TUSC3: variants seen among roughly 807,000 people sequenced by gnomAD.
TUSC3 encodes the protein tumor suppressor candidate 3, also known as dolichyl-diphosphooligosaccharide--protein glycosyltransferase subunit TUSC3.
Under a neutral mutation model 44.8 loss-of-function variants are expected in TUSC3, and 45 were observed. The ratio of observed to expected loss-of-function variants is 1.00; its 90% CI spans 0.79 to 1.29. The LOEUF (loss-of-function observed/expected upper bound fraction) is 1.29. Ranked by LOEUF, TUSC3 falls within the 50% of genes most tolerant of loss-of-function variation. The pLI, the probability that TUSC3 is intolerant of heterozygous loss-of-function variation, is 0.00. For synonymous variants in TUSC3, 212 were observed against 152.9 expected (o/e 1.39, Z -2.85); for missense variants, 519 against 437.9 (o/e 1.19, Z -1.65).
At chr8:15,747,742 C>A (rs1811483242) in intron 8 of TUSC3, among the ~76,000 whole-genome samples, 1 of 152,040 alleles carries the variant, frequency 6.6e-6, no homozygotes, top group Non-Finnish European at 1.5e-5. Context: ...AACATATGTC[C>A]TCAGTTTCTT....
At chr8:15,678,157 G>C (rs112963337) in intron 6 of TUSC3, among the ~76,000 whole-genome samples, 1 of 152,136 alleles carries the variant, frequency 6.6e-6, no homozygotes, top group Non-Finnish European at 1.5e-5. Flanking sequence ...CAGTGGTAAG[G>C]GAGCTGAGGT....
intron 2 of TUSC3, among the ~76,000 whole-genome samples, chr8:15,526,279 C>G (rs188797200): frequency 2.0e-5 from 3 of 152,042 alleles, no homozygotes; most frequent in African/African-American, 7.2e-5. Flanking sequence ...GTGATCTGCC[C>G]GCCTCGGCCT....
chr8:15,670,138 A>G (rs1371703683), intron 5 of TUSC3, among the ~76,000 whole-genome samples: 1 of 151,866 alleles, frequency 6.6e-6, no homozygotes, highest in African/African-American at 2.4e-5. Context: ...TAAACCTGAT[A>G]ATGGATTGGT....
At chr8:15,577,294 T>G (rs1335695756) in intron 1 of TUSC3, among the ~76,000 whole-genome samples, 3 of 151,740 alleles carry the variant, frequency 2.0e-5, no homozygotes, top group African/African-American at 7.2e-5. Context: ...TTTCTTTTGC[T>G]GTGCAGAAGC....
intron 1 of TUSC3, among the ~76,000 whole-genome samples, chr8:15,467,950 G>GT (rs1194205956): frequency 6.6e-6 from 1 of 152,082 alleles, no homozygotes; most frequent in African/African-American, 2.4e-5. Context: ...TTAAAAACTA[G>GT]TTAAAATCTG....
chr8:15,473,571 TGAAGA>T (rs1168621357), intron 1 of TUSC3, among the ~76,000 whole-genome samples: 1 of 152,010 alleles, frequency 6.6e-6, no homozygotes, highest in African/African-American at 2.4e-5. Flanking sequence ...GGCTGAGAAA[TGAAGA>T]GAAAGAGTAC....
At chr8:15,822,176 T>C in the TUSC3 span, among the ~76,000 whole-genome samples, 2 of 148,346 alleles carry the variant, frequency 1.3e-5, no homozygotes, top group Admixed American at 6.7e-5. Context: ...TTGAAAACGC[T>C]ACAAATAGAA....
At chr8:15,460,602 C>T (rs529064608) in intron 1 of TUSC3, among the ~76,000 whole-genome samples, 1 of 152,280 alleles carries the variant, frequency 6.6e-6, no homozygotes, top group East Asian at 1.9e-4. Flanking sequence ...AAATCCTTGA[C>T]TAAGCCAATG....
intron 2 of TUSC3, among the ~76,000 whole-genome samples, chr8:15,639,807 G>T (rs1806279871): frequency 7.4e-6 from 1 of 134,298 alleles, no homozygotes; most frequent in Non-Finnish European, 1.6e-5. Flanking sequence ...GGACCCATGA[G>T]GATGACTTAG....
At chr8:15,736,489 G>C (rs1367757855) in intron 7 of TUSC3, among the ~76,000 whole-genome samples, 1 of 152,050 alleles carries the variant, frequency 6.6e-6, no homozygotes, top group Non-Finnish European at 1.5e-5. Context: ...ATAAAATTAA[G>C]GTAGGGTATG....
chr8:15,516,956 G>C (rs1801224351), intron 2 of TUSC3, among the ~76,000 whole-genome samples: 1 of 152,112 alleles, frequency 6.6e-6, no homozygotes, highest in South Asian at 2.1e-4. Context: ...ATTGAATACT[G>C]TGTAAAAATT....
chr8:15,647,077 A>G (rs904259368), intron 2 of TUSC3, among the ~76,000 whole-genome samples: 2 of 152,086 alleles, frequency 1.3e-5, no homozygotes, highest in South Asian at 2.1e-4. Flanking sequence ...TCTGTTGGCT[A>G]TCGTTCTATA....
chr8:15,574,592 A>G (rs746237270), intron 1 of TUSC3, among the ~76,000 whole-genome samples: 2 of 152,124 alleles, frequency 1.3e-5, no homozygotes, highest in Non-Finnish European at 2.9e-5. Flanking sequence ...TCACCCCTTG[A>G]GAGTAATTTA....
At chr8:15,749,440 CT>C (rs1174144005) in intron 9 of TUSC3, among the ~76,000 whole-genome samples, 1 of 152,098 alleles carries the variant, frequency 6.6e-6, no homozygotes, top group Non-Finnish European at 1.5e-5. Flanking sequence ...GCCCCACCCC[CT>C]CTATTTTCAT....
At chr8:15,581,979 C>A (rs1389090812) in intron 1 of TUSC3, among the ~76,000 whole-genome samples, 1 of 151,298 alleles carries the variant, frequency 6.6e-6, no homozygotes, top group Non-Finnish European at 1.5e-5. Context: ...GGCGTAGGAC[C>A]CTCTGAGCCA....
At chr8:15,723,844 C>T (rs1353099982) in intron 6 of TUSC3, among the ~76,000 whole-genome samples, 1 of 152,086 alleles carries the variant, frequency 6.6e-6, no homozygotes, top group Non-Finnish European at 1.5e-5. Context: ...AGTATTTTAG[C>T]ACACAAAGGA....
intron 6 of TUSC3, among the ~76,000 whole-genome samples, chr8:15,718,494 C>G (rs1200686664): frequency 6.6e-6 from 1 of 152,050 alleles, no homozygotes; most frequent in African/African-American, 2.4e-5. Context: ...ATGTAGTCAA[C>G]CAGTAGTTAC....
chr8:15,634,335 C>T (rs937326696), intron 2 of TUSC3, among the ~76,000 whole-genome samples: 1 of 152,180 alleles, frequency 6.6e-6, no homozygotes, highest in Non-Finnish European at 1.5e-5. Context: ...ATTGTGTCCA[C>T]GATTCTAGAC....
intron 2 of TUSC3, among the ~76,000 whole-genome samples, chr8:15,635,886 G>T (rs1462242512): frequency 6.6e-6 from 1 of 152,062 alleles, no homozygotes; most frequent in Non-Finnish European, 1.5e-5. Flanking sequence ...TCAGATTATG[G>T]GTCCTCACTG....
Sources: gnomAD v4.1 joint callset for allele counts (sites outside exome capture counted in the v4.1 genomes callset) on GRCh38, gnomAD v4.1.1 for gene constraint, MANE v1.5 for transcripts, NCBI Gene and HGNC (gene_info 2026-07-23, HGNC 2026-07-21) for gene names.